AGBL4: variants seen among roughly 807,000 people sequenced by gnomAD.
AGBL4 encodes the protein AGBL carboxypeptidase 4.
In AGBL4, 58 loss-of-function variants were observed where a neutral mutation model predicts 66.4. The ratio of observed to expected loss-of-function variants is 0.87; its 90% confidence interval spans 0.71 to 1.09. The LOEUF is 1.09. AGBL4 is among the 50% of genes least tolerant of loss of function. The pLI, the probability that AGBL4 is intolerant of heterozygous loss-of-function variation, is 0.00. For synonymous variants in AGBL4, 234 were observed against 222.9 expected, an observed-to-expected ratio of 1.05 and a Z score of -0.44; for missense variants, 579 against 631.0, an observed-to-expected ratio of 0.92 and a Z score of 0.88.
At chr1:49,213,695 C>G (rs774215559) in intron 4 of AGBL4, among the ~76,000 whole-genome samples, 5 of 152,076 alleles carry the variant, frequency 3.3e-5, no homozygotes, top group Non-Finnish European at 5.9e-5. Context: ...TATAACAATG[C>G]AAAAACAGCC....
intron 1 of AGBL4, among the ~76,000 whole-genome samples, chr1:49,875,397 A>G (rs1457639461): frequency 7.4e-6 from 1 of 134,760 alleles, no homozygotes; most frequent in Non-Finnish European, 1.6e-5. Flanking sequence ...ATGAGTGAGA[A>G]TATGCGGTGT....
rs369005058 is a variant in AGBL4 at position 49,962,227 on chromosome 1, T to C, written c.34+61536A>G. Among the ~76,000 whole-genome samples, 239 of 152,266 alleles carry C rather than the reference T, an allele frequency of 1.6e-3. 1 individual carries two copies. Among genetic ancestry groups the C allele is most frequent in the African/African-American group, 4.9e-3 (204 of 41,564 alleles). On this transcript the variant is annotated intron_variant, in intron 1 of 13. Transcript: ENST00000371839. ...TGTAGTATAGAGTGCATGAATTTCA[T>C]GATCGCCAATCCCTTCGTTAAGTTG...
intron 3 of AGBL4, among the ~76,000 whole-genome samples, chr1:49,631,755 G>A (rs1211627159): frequency 7.9e-5 from 12 of 152,172 alleles, no homozygotes; most frequent in Admixed American, 7.9e-4. Context: ...AAAATGGATG[G>A]AGGAAGAAAG....
chr1:49,054,154 T>C (rs1385320364), intron 4 of AGBL4, among the ~76,000 whole-genome samples: 1 of 152,014 alleles, frequency 6.6e-6, no homozygotes. Flanking sequence ...AATTCCAAGT[T>C]CTCTTGGGTA....
intron 3 of AGBL4, among the ~76,000 whole-genome samples, chr1:49,550,189 C>A (rs1369841375): frequency 6.6e-6 from 1 of 152,246 alleles, no homozygotes; most frequent in African/African-American, 2.4e-5. Context: ...AGGTGAGTCT[C>A]TTGAAGGCAG....
chr1:49,412,427 A>G (rs1270772752), intron 3 of AGBL4, among the ~76,000 whole-genome samples: 1 of 152,142 alleles, frequency 6.6e-6, no homozygotes, highest in Non-Finnish European at 1.5e-5. Flanking sequence ...ACCTCCCAAA[A>G]GCCCTCCCTC....
In AGBL4 at chr1:49,971,907, G is replaced by GTTGTTT. The variant is rs1553155278; in HGVS notation, c.34+51855_34+51856insAAACAA. ...AAGTACAAGTGCAGGGTTTTTTTGG[G>GTTGTTT]TTTTTTTTTTTTTTTTTTTTTTTTT... On this transcript the variant is annotated intron_variant, in intron 1 of 13. Transcript: ENST00000371839. 9.8e-4 allele frequency among the ~76,000 whole-genome samples: 23 copies of GTTGTTT among 23,442 alleles called. 5 individuals are homozygous for GTTGTTT. The highest frequency in any genetic ancestry group is 2.0e-3 in the Admixed American group (2 of 1,014). The allele number at this position is 23,442 out of a possible 152,430, so 15.4% of individuals were successfully genotyped here.
chr1:49,676,352 G>A (rs572221109), intron 3 of AGBL4, among the ~76,000 whole-genome samples: 60 of 152,074 alleles, frequency 3.9e-4, no homozygotes. Context: ...TGCAGCACAA[G>A]GTAATTTCAT....
chr1:49,531,091 T>C (rs1026329685), intron 3 of AGBL4, among the ~76,000 whole-genome samples: 4 of 152,146 alleles, frequency 2.6e-5, no homozygotes, highest in Non-Finnish European at 4.4e-5. Context: ...TGTGGCTTAG[T>C]ATTTTTATTT....
chr1:49,129,056 C>T (rs1393733405), intron 4 of AGBL4, among the ~76,000 whole-genome samples: 3 of 151,864 alleles, frequency 2.0e-5, no homozygotes, highest in Non-Finnish European at 2.9e-5. Context: ...TTTAAATAGA[C>T]ATTTTAACAA....
chr1:49,526,999 T>C (rs1165260512), intron 3 of AGBL4, among the ~76,000 whole-genome samples: 1 of 152,198 alleles, frequency 6.6e-6, no homozygotes, highest in Non-Finnish European at 1.5e-5. Context: ...ATTAGGTTGA[T>C]GATACTGTAC....
intron 6 of AGBL4, among the ~76,000 whole-genome samples, chr1:48,783,737 C>T (rs1645350187): frequency 6.6e-6 from 1 of 152,078 alleles, no homozygotes; most frequent in African/African-American, 2.4e-5. Context: ...GACCCTGATT[C>T]AATTGGTTTG....
intron 3 of AGBL4, among the ~76,000 whole-genome samples, chr1:49,676,156 T>C (rs1646574684): frequency 6.6e-6 from 1 of 152,068 alleles, no homozygotes; most frequent in Non-Finnish European, 1.5e-5. Context: ...ATGAGCAATT[T>C]GGTAAAAGTA....
At chr1:48,787,781 G>T (rs565062284) in intron 6 of AGBL4, among the ~76,000 whole-genome samples, 3 of 152,238 alleles carry the variant, frequency 2.0e-5, no homozygotes, top group Admixed American at 6.5e-5. Flanking sequence ...TTTTGCTAAC[G>T]TAAGGATGGA....
At position 48,966,381 on chromosome 1, in the gene AGBL4, TC is replaced by T. The variant is rs537874930; in HGVS notation, c.594+79202del. Reference sequence around the variant, plus strand: ...GCCTTATGTAGTTCTGCTAATGAAGTCATCCTCAAAATCACTTTCAGACAGA... The same window carrying T: ...GCCTTATGTAGTTCTGCTAATGAAGTATCCTCAAAATCACTTTCAGACAGA... On this transcript the variant is annotated intron_variant, in intron 5 of 13. Transcript: ENST00000371839. Among the ~76,000 whole-genome samples the T allele has an allele frequency of 5.9e-5, 9 of 152,274 alleles. No individual in the cohort carries two copies. The South Asian group carries it at 1.9e-3, about 32-fold the overall frequency.
intron 3 of AGBL4, among the ~76,000 whole-genome samples, chr1:49,500,620 C>T (rs146088527): frequency 1.3e-5 from 2 of 151,892 alleles, no homozygotes; most frequent in Non-Finnish European, 2.9e-5. Context: ...TCCTAGAACC[C>T]TTTGTTGAAT....
At chr1:49,629,625 T>C (rs1360718532) in intron 3 of AGBL4, among the ~76,000 whole-genome samples, 3 of 152,160 alleles carry the variant, frequency 2.0e-5, no homozygotes, top group Non-Finnish European at 4.4e-5. Context: ...CGATGATATT[T>C]CGGGTCATTG....
At chr1:49,422,471 A>G (rs955180618) in intron 3 of AGBL4, among the ~76,000 whole-genome samples, 1 of 152,218 alleles carries the variant, frequency 6.6e-6, no homozygotes, top group Non-Finnish European at 1.5e-5. Context: ...AGTTTCAAAA[A>G]ATACTTCTTT....
chr1:49,571,482 T>G (rs1450097494), intron 3 of AGBL4, among the ~76,000 whole-genome samples: 1 of 152,036 alleles, frequency 6.6e-6, no homozygotes, highest in Non-Finnish European at 1.5e-5. Flanking sequence ...AGGTAGGCCT[T>G]TAGGTTGTTC....
Sources: gnomAD v4.1 joint callset for allele counts (sites outside exome capture counted in the v4.1 genomes callset) on GRCh38, gnomAD v4.1.1 for gene constraint, MANE v1.5 for transcripts, NCBI Gene and HGNC (gene_info 2026-07-23, HGNC 2026-07-21) for gene names.